The following DNAH1 variants were observed in gnomAD, a reference collection of about 807,000 sequenced individuals.
The protein encoded by DNAH1 is axonemal beta dynein heavy chain 1.
DNAH1 carries 327 observed loss-of-function variants against 484.3 expected under a neutral mutation model. The observed-to-expected ratio is 0.68, with a 90% CI of 0.62 to 0.74. The LOEUF is 0.74. DNAH1 is among the 30% of genes least tolerant of loss of function. The probability of loss-of-function intolerance (pLI) is 0.00; values close to 1 mark genes in which losing one functional copy is unlikely to be tolerated. For missense variants in DNAH1, 5,052 were observed against 5,546.8 expected, an observed-to-expected ratio of 0.91 and a Z score of 2.83; for synonymous variants, 2,192 against 2,191.9, an observed-to-expected ratio of 1.00 and a Z score of 0.00.
At chr3:52,373,497 G>T (rs111311026) in intron 44 of DNAH1, among the ~76,000 whole-genome samples, 1 of 152,266 alleles carries the variant, frequency 6.6e-6, no homozygotes, top group African/African-American at 2.4e-5. Flanking sequence ...GCAAATTTCC[G>T]TCAGGAAAAA....
At position 52,358,814 on chromosome 3, in the gene DNAH1, C is replaced by A; in HGVS notation, c.4266+77C>A. 1 of 1,555,636 alleles carries A rather than the reference C, an allele frequency of 6.4e-7. No individual in the cohort carries two copies. On this transcript the variant is annotated intron_variant, in intron 25 of 77. Transcript: ENST00000420323. The surrounding 1 kb of genome is among the most constrained non-coding windows in gnomAD (Gnocchi z 4.2). ...CTCTCAGTGCCCCTCCTGCTCTAGC[C>A]GGCCTCGTCCTCAGGCTGCAGCCCT... is the stretch of plus-strand genomic sequence containing the variant.
chr3:52,350,210 C>T, intron 15 of DNAH1, 102 bp downstream of exon 15: 1 of 1,506,430 alleles, frequency 6.6e-7, no homozygotes, highest in South Asian at 1.2e-5. Context: ...ACTCAGGAGG[C>T]TGAGGGTAAG....
At position 52,399,883 on chromosome 3, in the gene DNAH1, C is replaced by T; in HGVS notation, c.12676+104C>T. ...TCCAGGTTAGCTGAACAAGGAAGGA[C>T]AACAGAGATTTGGGCCAGGCCAGCA... On this transcript the variant is annotated intron_variant, in intron 77 of 77. Transcript: ENST00000420323. 3 of 1,250,432 alleles carry T rather than the reference C, an allele frequency of 2.4e-6. No homozygotes were observed. The South Asian group carries it at 4.3e-5, about 18-fold the overall frequency. 77.5% of individuals were successfully genotyped at this position (1,250,432 alleles called of 1,614,324 possible).
chr3:52,364,994 G>A lies in DNAH1; in HGVS notation c.5493G>A (p.Arg1831=), dbSNP rs1294029143. 1.9e-6 allele frequency: 3 copies of A among 1,612,510 alleles called. No individual in the cohort carries two copies. The highest frequency in any genetic ancestry group is 2.5e-6 in the Non-Finnish European group (3 of 1,178,874). The part of the protein sequence containing the change: ...ILDEAIREAC[R]NSNLKDVEGF... ...ATGAGGCCATCCGCGAGGCCTGCAG[G>A]AACAGCAACCTCAAGGATGTGGAGG... The change falls in exon 34 of 78, where the codon AGG becomes AGA. Residue 1831 remains arginine, a synonymous_variant. Transcript: ENST00000420323. The surrounding 1 kb of genome is among the most constrained non-coding windows in gnomAD (Gnocchi z 4.2).
intron 6 of DNAH1, among the ~76,000 whole-genome samples, chr3:52,329,892 T>C (rs1701480834): frequency 6.6e-6 from 1 of 151,564 alleles, no homozygotes. Context: ...CACTGAAACC[T>C]CCACCTCCCA....
At chr3:52,385,220 G>A in intron 53 of DNAH1, 117 bp from the exon 54 acceptor site, 1 of 1,130,302 alleles carries the variant, frequency 8.8e-7, no homozygotes, top group South Asian at 1.5e-5. Context: ...GGGCAATGTG[G>A]GGGCCACCGA....
intron 44 of DNAH1, chr3:52,374,484 G>T (rs1400167637): frequency 2.7e-5 from 38 of 1,419,300 alleles, no homozygotes; most frequent in Non-Finnish European, 3.3e-5. Context: ...AAACAAATTA[G>T]AAGCGATTTT....
intron 22 of DNAH1, among the ~76,000 whole-genome samples, chr3:52,357,254 A>G (rs927450402): frequency 6.6e-6 from 1 of 152,026 alleles, no homozygotes; most frequent in East Asian, 1.9e-4. Flanking sequence ...GGATTTCACC[A>G]TGTTGGTCAG....
At position 52,358,008 on chromosome 3, in the gene DNAH1, G is replaced by A. The variant is rs1702690856; in HGVS notation, c.4086+5G>A. The stretch of plus-strand genomic sequence containing the variant: ...TGCTTCGAGAACATCGCTCGGGTGG[G>A]CAGCTGGGCCCGGGGCTCAGGGCTG... On this transcript the variant is annotated splice_donor_5th_base_variant and intron_variant, in intron 24 of 77. Transcript: ENST00000420323. This position sits in a 1 kb window ranked among gnomAD's most constrained non-coding sequence, Gnocchi z 4.2. 1.3e-6 allele frequency: 2 copies of A among 1,597,030 alleles called. No individual in the cohort carries two copies. Among genetic ancestry groups the A allele is most frequent in the Non-Finnish European group, 1.7e-6 (2 of 1,169,098 alleles).
chr3:52,388,617 C>T lies in DNAH1; in HGVS notation c.9363+8C>T. ...CTGGGCCGAGCTGGCAAGGTGCGCA[C>T]CCTCCTCCTGCAAGGCCTGCAAGCG... On this transcript the variant is annotated splice_region_variant and intron_variant, in intron 58 of 77. Coordinates refer to ENST00000420323, the MANE Select transcript of DNAH1 (RefSeq NM_015512.5). The T allele has an allele frequency of 5.6e-6, 9 of 1,612,098 alleles. No individual in the cohort carries two copies. The highest frequency in any genetic ancestry group is 7.6e-6 in the Non-Finnish European group (9 of 1,179,552).
rs79689614 is a variant in DNAH1 at position 52,386,183 on chromosome 3, G to C, written c.8649G>C (p.Glu2883Asp). The change falls in exon 55 of 78, where the codon GAG becomes GAC. Residue 2883 changes from glutamate to aspartate, a missense_variant. Physicochemically the swap from Glu to Asp is conservative, Grantham distance 45 (BLOSUM62 2). Transcript: ENST00000420323. ...AGGTGGATACGGCCATCGCCGAGGA[G>C]ACCCGGAATTCAGTGCAGACAGAGG... ...QIKVDTAIAE[E>D]TRNSVQTEEI... 568 of 1,613,580 alleles carry C rather than the reference G, an allele frequency of 3.5e-4. 1 individual carries two copies. In the African/African-American group the frequency reaches 6.7e-3, roughly 19 times the overall value.
Position 52,383,955 on chromosome 3 carries a change from C to G in DNAH1, c.8246C>G (p.Ala2749Gly), listed in dbSNP as rs373270594. The change falls in exon 52 of 78, where the codon GCC (alanine) becomes GGC (glycine). Residue 2749 changes from alanine to glycine, a missense_variant. Coordinates refer to ENST00000420323, the MANE Select transcript of DNAH1 (RefSeq NM_015512.5). Reference protein sequence around the residue: ...IDWFNEWPAEALKSVATVFLN... With the variant: ...IDWFNEWPAEGLKSVATVFLN... ...TGGTTTAACGAGTGGCCGGCAGAAGCCCTGAAGTCTGTGGCCACCGTGTTC... is the reference window on the plus strand; with the variant it reads ...TGGTTTAACGAGTGGCCGGCAGAAGGCCTGAAGTCTGTGGCCACCGTGTTC... The G allele has an allele frequency of 1.2e-6, 2 of 1,612,728 alleles. No homozygotes were observed. Among genetic ancestry groups the G allele is most frequent in the Non-Finnish European group, 1.7e-6 (2 of 1,179,330 alleles).
In DNAH1 at chr3:52,378,598, C is replaced by T. The variant is rs1490270566; in HGVS notation, c.7199-4C>T. On this transcript the variant is annotated splice_polypyrimidine_tract_variant and splice_region_variant and intron_variant, in intron 46 of 77. Transcript: ENST00000420323. ...TGACCCAGGCCATTCTCCTATTCCC[C>T]CAGCTGGGGCCCCCCACATTGCCCA... 21 of 1,613,254 alleles carry T rather than the reference C, an allele frequency of 1.3e-5. No homozygotes were observed. Among genetic ancestry groups the T allele is most frequent in the Admixed American group, 1.7e-5 (1 of 60,004 alleles).
In DNAH1 at chr3:52,386,300, G is replaced by A. The variant is rs375730838; in HGVS notation, c.8766G>A (p.Ala2922=). Residue 2922 remains alanine, a synonymous_variant, in exon 55 of 78, where the codon GCG becomes GCA. Coordinates refer to ENST00000420323, the MANE Select transcript of DNAH1 (RefSeq NM_015512.5). ...DLDEALPALD[A]ALASLRNLNK... Reference sequence around the variant, plus strand: ...ACGAGGCGTTGCCAGCCCTGGATGCGGCTCTGGCCAGCCTGCGCAACCTCA... The same window carrying A: ...ACGAGGCGTTGCCAGCCCTGGATGCAGCTCTGGCCAGCCTGCGCAACCTCA... The A allele has an allele frequency of 3.4e-5, 54 of 1,602,148 alleles. No homozygotes were observed. The highest frequency in any genetic ancestry group is 4.5e-5 in the East Asian group (2 of 44,150).
chr3:52,320,250 C>T (rs746695906), intron 1 of DNAH1, among the ~76,000 whole-genome samples: 7 of 152,180 alleles, frequency 4.6e-5, no homozygotes, highest in Admixed American at 6.5e-5. Context: ...TAGGGTACTT[C>T]GGGAAGTGTT....
intron 8 of DNAH1, among the ~76,000 whole-genome samples, chr3:52,343,335 C>G (rs1702018034): frequency 6.6e-6 from 1 of 152,050 alleles, no homozygotes; most frequent in Admixed American, 6.5e-5. Context: ...ACTGAGGTGG[C>G]TGAGCTTGCT....
rs1047964937 is a variant in DNAH1, at chr3:52,379,775, G to A, written c.7378-130G>A. 1 of 783,270 alleles carries A rather than the reference G, an allele frequency of 1.3e-6. No homozygotes were observed. The highest frequency in any genetic ancestry group is 2.0e-6 in the Non-Finnish European group (1 of 499,888). 48.5% of individuals were successfully genotyped at this position (783,270 alleles called of 1,614,324 possible). ...AGCAGCCCCCACACACTGTCCCTGG[G>A]CCATGGTGGGAGAGCCAGGCTCCAG... On this transcript the variant is annotated intron_variant, in intron 47 of 77. Coordinates refer to ENST00000420323, the MANE Select transcript of DNAH1 (RefSeq NM_015512.5). This position sits in a 1 kb window ranked among gnomAD's most constrained non-coding sequence, Gnocchi z 4.4.
At chr3:52,337,448 A>G (rs1701777345) in intron 8 of DNAH1, among the ~76,000 whole-genome samples, 1 of 152,140 alleles carries the variant, frequency 6.6e-6, no homozygotes, top group African/African-American at 2.4e-5. Flanking sequence ...AAACTAATTC[A>G]TTTTAGATCA....
chr3:52,376,502 ACCTGCGC>A (rs1489427915), intron 46 of DNAH1, among the ~76,000 whole-genome samples: 18 of 152,150 alleles, frequency 1.2e-4, no homozygotes, highest in African/African-American at 4.3e-4. Context: ...CCACCTGCTT[ACCTGCGC>A]CCTGCCTTCC....
Sources: gnomAD v4.1 joint callset for allele counts (sites outside exome capture counted in the v4.1 genomes callset) on GRCh38, gnomAD v4.1.1 for gene constraint, Gnocchi (gnomAD v3.1) non-coding constraint, MANE v1.5 for transcripts, NCBI Gene and HGNC (gene_info 2026-07-23, HGNC 2026-07-21) for gene names.